Variants in GALK2 observed in about 807,000 individuals in gnomAD.
The protein encoded by GALK2 is galactokinase 2, also known as N-acetylgalactosamine kinase.
Under a neutral mutation model 52.4 loss-of-function variants are expected in GALK2, and 36 were observed. The observed-to-expected ratio is 0.69, with a 90% CI of 0.53 to 0.91. The LOEUF (loss-of-function observed/expected upper bound fraction) is 0.91. Ranked by LOEUF, GALK2 falls within the 40% of genes least tolerant of loss-of-function variation. GALK2 has a pLI of 0.00. For synonymous variants in GALK2, 176 were observed against 199.1 expected, an observed-to-expected ratio of 0.88 and a Z score of 0.98; for missense variants, 579 against 559.1, an observed-to-expected ratio of 1.04 and a Z score of -0.36.
chr15:49,343,186 A>G (rs1049605012), intron 3 of GALK2, among the ~76,000 whole-genome samples: 5 of 152,162 alleles, frequency 3.3e-5, no homozygotes, highest in African/African-American at 9.6e-5. Context: ...GTCACTTTAC[A>G]TAATCCCATA....
chr15:49,338,924 A>G (rs569630503), intron 3 of GALK2, among the ~76,000 whole-genome samples: 2 of 152,248 alleles, frequency 1.3e-5, no homozygotes, highest in South Asian at 2.1e-4. Flanking sequence ...CAATTCAGCT[A>G]TTGATACTTG....
chr15:49,219,993 A>G (rs184752545), intron 3 of GALK2, among the ~76,000 whole-genome samples: 3 of 147,142 alleles, frequency 2.0e-5, no homozygotes, highest in African/African-American at 5.0e-5. Flanking sequence ...CTACCTAGAT[A>G]TATTCTTTGT....
chr15:49,221,270 G>C (rs1028406221), intron 3 of GALK2, among the ~76,000 whole-genome samples: 1 of 152,066 alleles, frequency 6.6e-6, no homozygotes, highest in Admixed American at 6.6e-5. Flanking sequence ...GAGAAATAGG[G>C]GTTCAATTCA....
At chr15:49,272,082 G>A (rs1041702390) in intron 5 of GALK2, among the ~76,000 whole-genome samples, 1 of 152,194 alleles carries the variant, frequency 6.6e-6, no homozygotes, top group Non-Finnish European at 1.5e-5. Context: ...GGCACAGCCT[G>A]TTTCCTGAAG....
intron 3 of GALK2, among the ~76,000 whole-genome samples, chr15:49,342,936 A>G (rs1025477014): frequency 2.0e-5 from 3 of 152,008 alleles, no homozygotes; most frequent in African/African-American, 7.2e-5. Context: ...CTTTTTCTCT[A>G]GCTGCTTTTA....
chr15:49,332,002 A>C, downstream of GALK2: 1 of 603,014 alleles, frequency 1.7e-6, no homozygotes, highest in South Asian at 2.0e-5. Context: ...CTTCTGAAGT[A>C]GGTACTCCTA....
chr15:49,260,822 G>A (rs1411677227), intron 5 of GALK2, among the ~76,000 whole-genome samples: 1 of 152,054 alleles, frequency 6.6e-6, no homozygotes, highest in Non-Finnish European at 1.5e-5. Flanking sequence ...ATTAAATAGG[G>A]AATCCTTTCC....
rs1293801739 is a variant in GALK2 at position 49,331,482 on chromosome 15, T to A, written c.*3323T>A. On this transcript the variant is annotated 3_prime_UTR_variant, in exon 10 of 10. Transcript: ENST00000560031. Reference sequence around the variant, plus strand: ...TTTGTTGAATTATTAATGAAAAACTTACAATTTTAAACATCAGTGATTATT... The same window carrying A: ...TTTGTTGAATTATTAATGAAAAACTAACAATTTTAAACATCAGTGATTATT... The A allele has an allele frequency of 9.9e-6, 3 of 302,072 alleles. No homozygotes were observed. Among genetic ancestry groups the A allele is most frequent in the Non-Finnish European group, 1.8e-5 (3 of 163,138 alleles). 18.7% of individuals were successfully genotyped at this position (302,072 alleles called of 1,614,324 possible).
intron 3 of GALK2, among the ~76,000 whole-genome samples, chr15:49,351,640 G>A (rs907144887): frequency 6.6e-6 from 1 of 152,172 alleles, no homozygotes; most frequent in African/African-American, 2.4e-5. Flanking sequence ...CAGCGTGTAG[G>A]AGGCTTATTT....
chr15:49,174,931 AAG>A, intron 1 of GALK2, among the ~76,000 whole-genome samples: 1 of 152,342 alleles, frequency 6.6e-6, no homozygotes, highest in East Asian at 1.9e-4. Flanking sequence ...TGTAGACCAG[AAG>A]AGAGAGTCTG....
At chr15:49,297,831 T>C (rs1046725041) in intron 8 of GALK2, among the ~76,000 whole-genome samples, 1 of 152,200 alleles carries the variant, frequency 6.6e-6, no homozygotes, top group Admixed American at 6.6e-5. Context: ...AGCCTTGTAG[T>C]ATAGTTTAAA....
At chr15:49,179,170 A>G (rs762251533) in intron 1 of GALK2, among the ~76,000 whole-genome samples, 1 of 152,128 alleles carries the variant, frequency 6.6e-6, no homozygotes, top group Non-Finnish European at 1.5e-5. Context: ...TTGAAATTCC[A>G]TCTCTAACAT....
At chr15:49,229,732 A>G (rs1417021885) in intron 3 of GALK2, among the ~76,000 whole-genome samples, 1 of 152,144 alleles carries the variant, frequency 6.6e-6, no homozygotes, top group Non-Finnish European at 1.5e-5. Flanking sequence ...TGGTGGTGGC[A>G]GTGGCTGTGA....
At chr15:49,228,202 C>A (rs929064409) in intron 3 of GALK2, among the ~76,000 whole-genome samples, 1 of 152,016 alleles carries the variant, frequency 6.6e-6, no homozygotes, top group African/African-American at 2.4e-5. Flanking sequence ...ATGGAGAAGA[C>A]CTTTTAAAGT....
At chr15:49,267,674 T>A (rs1269869751) in intron 5 of GALK2, among the ~76,000 whole-genome samples, 2 of 152,230 alleles carry the variant, frequency 1.3e-5, no homozygotes, top group Non-Finnish European at 1.5e-5. Flanking sequence ...AATTTTCTAG[T>A]TCTTTATTTC....
chr15:49,284,060 C>T (rs956719279), intron 7 of GALK2, among the ~76,000 whole-genome samples: 1 of 152,170 alleles, frequency 6.6e-6, no homozygotes, highest in Admixed American at 6.5e-5. Flanking sequence ...GGCAGCCTCA[C>T]CCCTCCTGGT....
At chr15:49,244,836 T>C (rs924684193) in intron 5 of GALK2, among the ~76,000 whole-genome samples, 2 of 151,974 alleles carry the variant, frequency 1.3e-5, no homozygotes, top group Non-Finnish European at 2.9e-5. Context: ...ACTTATAATC[T>C]TATCAGTAAA....
At chr15:49,258,313 T>C (rs1595860657) in intron 5 of GALK2, among the ~76,000 whole-genome samples, 1 of 151,494 alleles carries the variant, frequency 6.6e-6, no homozygotes, top group African/African-American at 2.4e-5. Flanking sequence ...AAAAGCAGGG[T>C]TTGAGATGGA....
intron 5 of GALK2, among the ~76,000 whole-genome samples, chr15:49,266,823 T>C (rs1183156390): frequency 1.3e-5 from 2 of 152,078 alleles, no homozygotes; most frequent in African/African-American, 4.8e-5. Flanking sequence ...GTATTAATAG[T>C]TGGAGGTAGA....
Sources: gnomAD v4.1 joint callset for allele counts (sites outside exome capture counted in the v4.1 genomes callset) on GRCh38, gnomAD v4.1.1 for gene constraint, MANE v1.5 for transcripts, NCBI Gene and HGNC (gene_info 2026-07-23, HGNC 2026-07-21) for gene names.